The following KDM3B variants were observed in gnomAD, a reference collection of about 807,000 sequenced individuals.
KDM3B encodes the protein lysine demethylase 3B.
KDM3B carries 10 observed loss-of-function variants against 170.0 expected under a neutral mutation model. That is an observed-to-expected ratio of 0.06 (90% CI 0.04 to 0.10). KDM3B has a LOEUF of 0.10. Ranked by LOEUF, KDM3B falls within the 10% of genes least tolerant of loss-of-function variation. The pLI is 1.00. For missense variants in KDM3B, 1,394 were observed against 2,195.2 expected (o/e 0.64, Z 7.29); for synonymous variants, 831 against 834.8 (o/e 1.00, Z 0.08).
At chr5:138,415,309 T>C (rs1763074369) in intron 12 of KDM3B, 70 bp downstream of exon 12, 1 of 944,850 alleles carries the variant, frequency 1.1e-6, no homozygotes, top group Non-Finnish European at 1.6e-6. Flanking sequence ...CACCATAAAA[T>C]TTTTTGAAAT....
intron 17 of KDM3B, 72 bp from the exon 18 acceptor site, chr5:138,426,903 C>G: frequency 9.2e-7 from 1 of 1,089,306 alleles, no homozygotes; most frequent in Admixed American, 1.8e-5. Context: ...ATTAGTCTCC[C>G]AAAAGTTACT....
intron 8 of KDM3B, 32 bp from the exon 9 acceptor site, chr5:138,393,139 G>T: frequency 1.2e-6 from 2 of 1,607,098 alleles, no homozygotes; most frequent in South Asian, 2.2e-5. Context: ...TACACCTCAT[G>T]ACAAACTTTT....
At chr5:138,398,432 G>A (rs756894533) in intron 10 of KDM3B, 40 bp downstream of exon 10, 2 of 1,568,610 alleles carry the variant, frequency 1.3e-6, no homozygotes, top group South Asian at 1.1e-5. Context: ...TGCTCCTAGT[G>A]AAAAACTTTT....
At chr5:138,377,319 C>T (rs1156269749) in intron 3 of KDM3B, among the ~76,000 whole-genome samples, 3 of 152,320 alleles carry the variant, frequency 2.0e-5, no homozygotes, top group East Asian at 3.9e-4. Context: ...TTCTCAGAGC[C>T]TTTAATAGCC....
chr5:138,403,012 G>GCA (rs1382611144), intron 11 of KDM3B, among the ~76,000 whole-genome samples: 1 of 152,174 alleles, frequency 6.6e-6, no homozygotes, highest in Non-Finnish European at 1.5e-5. Context: ...CCTTCAGAAA[G>GCA]CAATTGACTG....
chr5:138,385,112 C>T (rs1003334748), intron 6 of KDM3B, among the ~76,000 whole-genome samples: 2 of 151,968 alleles, frequency 1.3e-5, no homozygotes, highest in Non-Finnish European at 2.9e-5. Context: ...ACCTTCCCCT[C>T]CCGGGTTCAA....
rs773761506 is a variant in KDM3B, at chr5:138,426,984, G to A, written c.4421G>A (p.Arg1474Gln). Residue 1474 changes from arginine (R) to glutamine (Q), a missense_variant, in exon 18 of 24, where the codon CGG becomes CAG. By Grantham distance (43) the Arg-to-Gln change is conservative. Around this residue, in one of 19 missense-constraint regions of KDM3B, gnomAD observed 66 missense variants for 178.8 expected, o/e 0.37. Transcript: ENST00000314358. ...ATTCTCTGTCTTCCAGAACGACTAC[G>A]GTCAGAAGATGGGCAGCCAATGGTG... ...DGFEIICKRL[R>Q]SEDGQPMVLK... 1.2e-5 allele frequency: 19 copies of A among 1,613,656 alleles called. No homozygotes were observed. The Admixed American group carries it at 2.3e-4, about 20-fold the overall frequency.
chr5:138,354,977 G>A (rs1761414819), intron 1 of KDM3B, among the ~76,000 whole-genome samples: 1 of 152,198 alleles, frequency 6.6e-6, no homozygotes, highest in Non-Finnish European at 1.5e-5. Context: ...TAATGACAAT[G>A]ACCAGTGTAG....
chr5:138,383,416 CGCGA>C (rs1172613878), intron 6 of KDM3B, among the ~76,000 whole-genome samples: 5 of 135,718 alleles, frequency 3.7e-5, no homozygotes, highest in Non-Finnish European at 6.2e-5. Context: ...GGTTTACAGG[CGCGA>C]ACGAACCACC....
chr5:138,359,780 TC>T (rs1409322369), intron 1 of KDM3B, among the ~76,000 whole-genome samples: 4 of 152,220 alleles, frequency 2.6e-5, no homozygotes. Flanking sequence ...ATCATAGTTA[TC>T]TCATGTATCC....
At chr5:138,354,440 T>C (rs1329084358) in intron 1 of KDM3B, among the ~76,000 whole-genome samples, 10 of 152,188 alleles carry the variant, frequency 6.6e-5, no homozygotes, top group Admixed American at 6.5e-4. Flanking sequence ...AGGCAAAACA[T>C]ACTTAAGATC....
At chr5:138,415,749 CA>C (rs1331360497) in intron 12 of KDM3B, among the ~76,000 whole-genome samples, 11 of 152,128 alleles carry the variant, frequency 7.2e-5, no homozygotes, top group Non-Finnish European at 1.2e-4. Context: ...CGTGCTGAGC[CA>C]AATTTGGATC....
intron 22 of KDM3B, among the ~76,000 whole-genome samples, chr5:138,431,082 AT>A (rs1317615149): frequency 1.3e-5 from 2 of 151,900 alleles, no homozygotes; most frequent in Non-Finnish European, 2.9e-5. Flanking sequence ...AAATACTGAT[AT>A]TTTTATGTAT....
chr5:138,427,585 G>A (rs538827488), intron 19 of KDM3B, among the ~76,000 whole-genome samples: 35 of 152,292 alleles, frequency 2.3e-4, no homozygotes, highest in African/African-American at 5.3e-4. Flanking sequence ...CCATATTCTC[G>A]AGTATAAGAG....
intron 10 of KDM3B, 123 bp downstream of exon 10, chr5:138,398,515 A>G: frequency 1.3e-6 from 1 of 761,770 alleles, no homozygotes; most frequent in Admixed American, 2.6e-5. Flanking sequence ...TAAGACCGAT[A>G]AGACTTCTCT....
At chr5:138,410,538 G>A (rs1168289034) in intron 11 of KDM3B, among the ~76,000 whole-genome samples, 1 of 152,232 alleles carries the variant, frequency 6.6e-6, no homozygotes, top group South Asian at 2.1e-4. Flanking sequence ...GGGTCAGTGG[G>A]TCTCTCCCCG....
chr5:138,429,115 T>C lies in KDM3B; in HGVS notation c.4754-711T>C, dbSNP rs181092687. Among the ~76,000 whole-genome samples the C allele has an allele frequency of 1.3e-3, 201 of 151,938 alleles. 1 individual carries two copies. The highest frequency in any genetic ancestry group is 3.9e-3 in the Admixed American group (59 of 15,246). ...CCTTTTTTTCTTTTCTTTTTTTGTT[T>C]TTTTATTTTTTCTGCAACTTCCGCC... is the stretch of plus-strand genomic sequence containing the variant. On this transcript the variant is annotated intron_variant, in intron 20 of 23. Transcript: ENST00000314358.
chr5:138,369,999 G>T (rs992825072), intron 1 of KDM3B, among the ~76,000 whole-genome samples: 2 of 152,190 alleles, frequency 1.3e-5, no homozygotes, highest in Non-Finnish European at 2.9e-5. Context: ...TCCAAGCTTT[G>T]TACGTTATGC....
At chr5:138,356,767 C>T (rs889171204) in intron 1 of KDM3B, among the ~76,000 whole-genome samples, 4 of 151,314 alleles carry the variant, frequency 2.6e-5, no homozygotes, top group African/African-American at 9.7e-5. Context: ...CTCAGCCTCC[C>T]GAGTAGTTGG....
Sources: allele counts gnomAD v4.1 joint callset (sites outside exome capture counted in the v4.1 genomes callset), GRCh38; gene constraint gnomAD v4.1.1; regional missense constraint gnomAD v4.1.1; transcripts MANE v1.5; gene names NCBI Gene and HGNC (gene_info 2026-07-23, HGNC 2026-07-21).